The following PTPRO variants were observed in gnomAD, a reference collection of about 807,000 sequenced individuals.
The protein encoded by PTPRO is protein tyrosine phosphatase receptor type O, also known as receptor-type tyrosine-protein phosphatase O.
A neutral mutation model predicts 145.2 loss-of-function variants in PTPRO; 62 were observed. The observed-to-expected ratio is 0.43, with a 90% CI of 0.35 to 0.53. The LOEUF is 0.53. PTPRO is among the 20% of genes least tolerant of loss of function. PTPRO has a pLI of 0.01. For synonymous variants in PTPRO, 565 were observed against 514.7 expected (o/e 1.10, Z -1.32); for missense variants, 1,345 against 1,482.7 (o/e 0.91, Z 1.53).
intron 12 of PTPRO, among the ~76,000 whole-genome samples, chr12:15,533,365 A>C (rs1351158382): frequency 2.0e-5 from 3 of 152,062 alleles, no homozygotes; most frequent in Non-Finnish European, 4.4e-5. Context: ...TCTTTTTATG[A>C]TGTGCCTTTC....
At chr12:15,331,506 A>T (rs982477768) in intron 1 of PTPRO, among the ~76,000 whole-genome samples, 6 of 152,218 alleles carry the variant, frequency 3.9e-5, no homozygotes, top group African/African-American at 1.4e-4. Flanking sequence ...TTCATCTCTT[A>T]TACATATGTC....
intron 1 of PTPRO, chr12:15,410,368 A>G (rs1939766091): frequency 6.6e-6 from 1 of 152,230 alleles, no homozygotes; most frequent in Admixed American, 6.5e-5. Flanking sequence ...ATGGATGGGC[A>G]TGATTCAATC....
Position 15,526,134 on chromosome 12 carries a change from T to A in PTPRO, c.2044-8T>A, listed in dbSNP as rs373829369. 8.7e-5 allele frequency: 141 copies of A among 1,613,970 alleles called. No individual in the cohort carries two copies. The African/African-American group carries it at 1.8e-3, about 20-fold the overall frequency. On this transcript the variant is annotated splice_region_variant and splice_polypyrimidine_tract_variant and intron_variant, in intron 11 of 26. Transcript: ENST00000281171. ...AAGTTTAAACCCTTGATTTTGATGA[T>A]CTTGCAGGTAACACGCAATGTCATG...
At chr12:15,449,667 A>G (rs1020082955) in intron 1 of PTPRO, among the ~76,000 whole-genome samples, 9 of 152,332 alleles carry the variant, frequency 5.9e-5, no homozygotes, top group Admixed American at 3.3e-4. Flanking sequence ...CATTATGGCT[A>G]TGTATAGCAA....
At chr12:15,549,916 T>C (rs1943408082) in intron 14 of PTPRO, among the ~76,000 whole-genome samples, 1 of 152,228 alleles carries the variant, frequency 6.6e-6, no homozygotes, top group South Asian at 2.1e-4. Context: ...TTTTCTTTTT[T>C]CTTTTTCTTT....
intron 25 of PTPRO, among the ~76,000 whole-genome samples, chr12:15,591,952 A>T (rs1403643430): frequency 6.6e-6 from 1 of 152,150 alleles, no homozygotes; most frequent in Non-Finnish European, 1.5e-5. Context: ...CTGAACTCTC[A>T]TGGGGAGTTC....
At chr12:15,380,769 A>G (rs560226628) in intron 1 of PTPRO, among the ~76,000 whole-genome samples, 1 of 152,322 alleles carries the variant, frequency 6.6e-6, no homozygotes, top group Non-Finnish European at 1.5e-5. Flanking sequence ...CTAAAAATTT[A>G]AAGCTTTTTT....
intron 1 of PTPRO, among the ~76,000 whole-genome samples, chr12:15,385,526 T>C (rs1254990157): frequency 6.6e-6 from 1 of 151,750 alleles, no homozygotes; most frequent in Non-Finnish European, 1.5e-5. Context: ...TATAGAAGGA[T>C]AGATGCAGCC....
chr12:15,404,711 ATCTG>A (rs1460638506), intron 1 of PTPRO, among the ~76,000 whole-genome samples: 1 of 152,206 alleles, frequency 6.6e-6, no homozygotes, highest in African/African-American at 2.4e-5. Flanking sequence ...GTTTGGTAGA[ATCTG>A]TCTAACTCTA....
chr12:15,397,902 T>C (rs972719164), intron 1 of PTPRO, among the ~76,000 whole-genome samples: 2 of 152,118 alleles, frequency 1.3e-5, no homozygotes, highest in Non-Finnish European at 2.9e-5. Context: ...GGGATATGCA[T>C]TATTATAGCA....
chr12:15,475,020 T>A (rs1229438060), intron 1 of PTPRO, among the ~76,000 whole-genome samples: 1 of 152,240 alleles, frequency 6.6e-6, no homozygotes, highest in Non-Finnish European at 1.5e-5. Flanking sequence ...AATGCTTATT[T>A]TCATGGCTGA....
At chr12:15,445,692 A>G (rs1451151860) in intron 1 of PTPRO, among the ~76,000 whole-genome samples, 1 of 152,180 alleles carries the variant, frequency 6.6e-6, no homozygotes, top group Non-Finnish European at 1.5e-5. Flanking sequence ...TTTTATAAAA[A>G]TGTAGTTTGG....
chr12:15,394,143 T>C (rs1039103128), intron 1 of PTPRO, among the ~76,000 whole-genome samples: 2 of 152,068 alleles, frequency 1.3e-5, no homozygotes, highest in Non-Finnish European at 1.5e-5. Flanking sequence ...TACTGTTACA[T>C]TGGAGATTAT....
chr12:15,556,044 C>T (rs553518048), intron 15 of PTPRO, among the ~76,000 whole-genome samples: 2 of 152,166 alleles, frequency 1.3e-5, no homozygotes, highest in African/African-American at 4.8e-5. Flanking sequence ...GGTTTGGTAC[C>T]TACTTTAATG....
intron 1 of PTPRO, among the ~76,000 whole-genome samples, chr12:15,364,634 C>T (rs1253191086): frequency 1.3e-5 from 2 of 152,090 alleles, no homozygotes; most frequent in Non-Finnish European, 2.9e-5. Flanking sequence ...ATTAAACTCA[C>T]AGGGGAGTTA....
intron 1 of PTPRO, among the ~76,000 whole-genome samples, chr12:15,459,878 A>C (rs1404725497): frequency 6.6e-6 from 1 of 152,202 alleles, no homozygotes; most frequent in African/African-American, 2.4e-5. Flanking sequence ...GAGGATTTGA[A>C]CTCAGGTACC....
chr12:15,456,411 G>A (rs1941178903), intron 1 of PTPRO, among the ~76,000 whole-genome samples: 2 of 152,084 alleles, frequency 1.3e-5, no homozygotes. Context: ...TGTTTATCAG[G>A]GTTATTGGCC....
intron 1 of PTPRO, among the ~76,000 whole-genome samples, chr12:15,482,614 A>G (rs1212256727): frequency 6.6e-6 from 1 of 152,196 alleles, no homozygotes; most frequent in African/African-American, 2.4e-5. Flanking sequence ...GTATATATGT[A>G]TCAAAATATC....
In PTPRO at chr12:15,576,911, A is replaced by G. The variant is rs1944198168; in HGVS notation, c.2830-1942A>G. 2.0e-5 allele frequency among the ~76,000 whole-genome samples: 3 copies of G among 152,344 alleles called. No individual in the cohort carries two copies. The South Asian group carries it at 6.2e-4, about 32-fold the overall frequency. ...TTTCTAAAGGAGGTAGATTTCTGAA[A>G]TAATTTAAGCAATGGAAGCATCATT... On this transcript the variant is annotated intron_variant, in intron 19 of 26. Coordinates refer to ENST00000281171, the MANE Select transcript of PTPRO (RefSeq NM_030667.3).
Sources: gnomAD v4.1 joint callset for allele counts (sites outside exome capture counted in the v4.1 genomes callset) on GRCh38, gnomAD v4.1.1 for gene constraint, MANE v1.5 for transcripts, NCBI Gene and HGNC (gene_info 2026-07-23, HGNC 2026-07-21) for gene names.